MEIS3: variants seen among roughly 807,000 people sequenced by gnomAD.
MEIS3 encodes the protein Meis homeobox 3.
Under a neutral mutation model 51.4 loss-of-function variants are expected in MEIS3, and 38 were observed. The ratio of observed to expected loss-of-function variants is 0.74; its 90% CI spans 0.57 to 0.97. MEIS3 has a LOEUF of 0.97. Ranked by LOEUF, MEIS3 falls within the 50% of genes least tolerant of loss-of-function variation. MEIS3 has a pLI of 0.00. For missense variants in MEIS3, 456 were observed against 502.6 expected (o/e 0.91, Z 0.89); for synonymous variants, 198 against 201.8 (o/e 0.98, Z 0.16).
chr19:47,406,585 C>G (rs1970829874), intron 11 of MEIS3, 59 bp from the exon 12 acceptor site: 1 of 1,514,076 alleles, frequency 6.6e-7, no homozygotes, highest in East Asian at 2.3e-5. Context: ...CCAGATGCCT[C>G]TAAGTCTCCC....
chr19:47,406,952 G>GC lies in MEIS3; in HGVS notation c.1013dup (p.Ser338ArgfsTer83). On this transcript the variant is annotated frameshift_variant, in exon 11 of 13. Transcript: ENST00000558555. LOFTEE classifies it high-confidence loss of function. The stretch of plus-strand genomic sequence containing the variant: ...AGCCCCCGATGGGCTGGCCCTCTGG[G>GC]CTGAAGGCTGCACCCTGCCCTGCGA... The GC allele has an allele frequency of 6.3e-7, 1 of 1,577,198 alleles. No individual in the cohort carries two copies.
chr19:47,407,560 A>G (rs747270838), intron 8 of MEIS3, 132 bp from the exon 9 acceptor site: 11 of 1,556,880 alleles, frequency 7.1e-6, no homozygotes, highest in Admixed American at 5.7e-5. Context: ...GGCGCTTCTG[A>G]GCGTCTCTGC....
intron 12 of MEIS3, 126 bp from the exon 13 acceptor site, chr19:47,403,679 T>G: frequency 3.0e-6 from 1 of 335,988 alleles, no homozygotes; most frequent in Non-Finnish European, 5.9e-6. Flanking sequence ...TGGCGGGGAA[T>G]GGCACAGGGA....
At chr19:47,411,216 G>C (rs546217731) in intron 6 of MEIS3, among the ~76,000 whole-genome samples, 1 of 152,058 alleles carries the variant, frequency 6.6e-6, no homozygotes, top group African/African-American at 2.4e-5. Flanking sequence ...GATAACAGGC[G>C]TGAGCCACTG....
intron 6 of MEIS3, among the ~76,000 whole-genome samples, chr19:47,414,170 G>C (rs1971275552): frequency 1.3e-5 from 2 of 152,084 alleles, no homozygotes; most frequent in Admixed American, 1.3e-4. Flanking sequence ...TGTGGCCAGG[G>C]TCACGTGTGT....
At chr19:47,406,549 G>A in intron 11 of MEIS3, 23 bp from the exon 12 acceptor site, 1 of 1,613,472 alleles carries the variant, frequency 6.2e-7, no homozygotes, top group Non-Finnish European at 8.5e-7. Context: ...AAAAAAGGAG[G>A]GTAAGTGCGT....
In MEIS3 at chr19:47,419,210, G is replaced by A. The variant is rs866840063; in HGVS notation, c.-129C>T. On this transcript the variant is annotated 5_prime_UTR_variant, in exon 1 of 13. Transcript: ENST00000558555. ...GGGGTGGGCAGGAGGCCAGGCGCGC[G>A]CCCCCCCACCCCCGCCGCCGTCAGC... 17 of 574,138 alleles carry A rather than the reference G, an allele frequency of 3.0e-5. No individual in the cohort carries two copies. The South Asian group carries it at 6.8e-4, about 23-fold the overall frequency. 35.6% of individuals were successfully genotyped at this position (574,138 alleles called of 1,614,324 possible).
In MEIS3 at chr19:47,417,166, G is replaced by A. The variant is rs756710404; in HGVS notation, c.185+12C>T. 17 of 1,534,808 alleles carry A rather than the reference G, an allele frequency of 1.1e-5. No individual in the cohort carries two copies. The highest frequency in any genetic ancestry group is 1.1e-4 in the Admixed American group (5 of 45,366). On this transcript the variant is annotated intron_variant, in intron 2 of 12. Transcript: ENST00000558555. ...AGAGAGAGACAGGAGCCTGAGACCC[G>A]GCCCCACTCACCCATAGATCTCATC...
At chr19:47,415,138 G>T in intron 4 of MEIS3, 37 bp from the exon 5 acceptor site, 2 of 1,006,214 alleles carry the variant, frequency 2.0e-6, no homozygotes, top group Non-Finnish European at 2.9e-6. Flanking sequence ...GAGACAGAGG[G>T]AATTGGGGGA....
intron 6 of MEIS3, among the ~76,000 whole-genome samples, chr19:47,409,955 C>G (rs1038713375): frequency 2.0e-5 from 3 of 152,066 alleles, no homozygotes; most frequent in African/African-American, 7.2e-5. Flanking sequence ...TCCTTCCTAG[C>G]TGTGTGATCT....
upstream of MEIS3, among the ~76,000 whole-genome samples, chr19:47,421,312 G>A (rs1463097476): frequency 1.3e-5 from 2 of 152,116 alleles, no homozygotes; most frequent in African/African-American, 4.8e-5. Flanking sequence ...CCCCAGCACG[G>A]GCTGGGCGAT....
intron 4 of MEIS3, chr19:47,416,307 C>T (rs1270131973): frequency 3.1e-5 from 8 of 254,418 alleles, no homozygotes; most frequent in South Asian, 2.6e-4. Flanking sequence ...TGCTGTTCCA[C>T]GCACTTGAAT....
intron 12 of MEIS3, among the ~76,000 whole-genome samples, chr19:47,403,972 CA>C (rs1304932764): frequency 5.3e-5 from 8 of 152,062 alleles, no homozygotes; most frequent in Admixed American, 2.0e-4. Context: ...GAGGCAGAGG[CA>C]GGGGGATCGC....
In MEIS3 at chr19:47,419,228, CCG is replaced by C; in HGVS notation, c.-149_-148del. The C allele has an allele frequency of 8.6e-6, 4 of 462,618 alleles. No individual in the cohort carries two copies. In the East Asian group the frequency reaches 1.7e-4, roughly 19 times the overall value. The allele number at this position is 462,618 out of a possible 1,614,324, so 28.7% of individuals were successfully genotyped here. The stretch of plus-strand genomic sequence containing the variant: ...GGCGCGCGCCCCCCCACCCCCGCCG[CCG>C]TCAGCGGCAGGCGCCGGGCCGGGTG... On this transcript the variant is annotated 5_prime_UTR_variant, in exon 1 of 13. Coordinates refer to ENST00000558555, the MANE Select transcript of MEIS3 (RefSeq NM_001301059.2).
chr19:47,403,751 G>C (rs1279876262), intron 12 of MEIS3, among the ~76,000 whole-genome samples, 198 bp from the exon 13 acceptor site: 1 of 152,138 alleles, frequency 6.6e-6, no homozygotes, highest in African/African-American at 2.4e-5. Flanking sequence ...GAGAATCAGA[G>C]TGGAGGTGAG....
intron 6 of MEIS3, among the ~76,000 whole-genome samples, chr19:47,411,696 A>G (rs1236048712): frequency 6.6e-6 from 1 of 151,404 alleles, no homozygotes; most frequent in Non-Finnish European, 1.5e-5. Context: ...GTGTGCCACC[A>G]TGCCCGGCTA....
intron 6 of MEIS3, among the ~76,000 whole-genome samples, chr19:47,410,775 A>G (rs1432481816): frequency 6.6e-6 from 1 of 152,156 alleles, no homozygotes; most frequent in Non-Finnish European, 1.5e-5. Flanking sequence ...CAAAAAAAAG[A>G]AAAGGAAAAT....
chr19:47,407,160 G>A (rs943697514), intron 9 of MEIS3, 23 bp from the exon 10 acceptor site: 19 of 1,603,006 alleles, frequency 1.2e-5, no homozygotes, highest in Non-Finnish European at 1.6e-5. Flanking sequence ...CATGGAAACG[G>A]AGGGGAATGA....
Position 47,406,919 on chromosome 19 carries a change from C to A in MEIS3, c.1047G>T (p.Glu349Asp). ...GCCGGACGGCCACGTGTGGCTGCGTCTCGGTATAGCCCCCGATGGGCTGGC... is the reference window on the plus strand; with the variant it reads ...GCCGGACGGCCACGTGTGGCTGCGTATCGGTATAGCCCCCGATGGGCTGGC... The part of the protein sequence containing the change: ...PEGQPIGGYT[E>D]TQPHVAVRPP... The change falls in exon 11 of 13, where the codon GAG becomes GAT. Residue 349 changes from glutamate to aspartate, a missense_variant. Coordinates refer to ENST00000558555, the MANE Select transcript of MEIS3 (RefSeq NM_001301059.2). 6.3e-7 allele frequency: 1 copy of A among 1,579,054 alleles called. No homozygotes were observed. The highest frequency in any genetic ancestry group is 8.6e-7 in the Non-Finnish European group (1 of 1,164,302).
Sources: allele counts gnomAD v4.1 joint callset (sites outside exome capture counted in the v4.1 genomes callset), GRCh38; gene constraint gnomAD v4.1.1; transcripts MANE v1.5; gene names NCBI Gene and HGNC (gene_info 2026-07-23, HGNC 2026-07-21).